Variants in MAGI2 observed in about 807,000 individuals in gnomAD.
MAGI2 encodes the protein membrane associated guanylate kinase, WW and PDZ domain containing 2.
MAGI2 carries 35 observed loss-of-function variants against 133.3 expected under a neutral mutation model. The ratio of observed to expected loss-of-function variants is 0.26; its 90% CI spans 0.20 to 0.35. The LOEUF (loss-of-function observed/expected upper bound fraction) is 0.35, where lower values mean the gene tolerates loss of function less well. Ranked by LOEUF, MAGI2 falls within the 10% of genes least tolerant of loss-of-function variation. MAGI2 has a pLI of 1.00. For synonymous variants in MAGI2, 729 were observed against 710.6 expected (o/e 1.03, Z -0.41); for missense variants, 1,636 against 1,863.4 (o/e 0.88, Z 2.25).
intron 2 of MAGI2, among the ~76,000 whole-genome samples, chr7:78,684,525 T>A (rs561028496): frequency 1.3e-5 from 2 of 152,308 alleles, no homozygotes; most frequent in South Asian, 4.1e-4. Flanking sequence ...AGAGTTTCAC[T>A]TTAATTGTCT....
intron 6 of MAGI2, among the ~76,000 whole-genome samples, chr7:78,442,090 A>G (rs1186674260): frequency 6.6e-6 from 1 of 152,180 alleles, no homozygotes; most frequent in African/African-American, 2.4e-5. Flanking sequence ...CCTTTGCTAC[A>G]CAAACTCTTC....
intron 2 of MAGI2, among the ~76,000 whole-genome samples, chr7:78,668,240 G>T (rs1321579046): frequency 6.6e-5 from 10 of 151,894 alleles, no homozygotes; most frequent in Non-Finnish European, 1.0e-4. Context: ...TGATGGGGTT[G>T]TTTGTTTTTT....
chr7:78,763,843 C>T (rs1054087166), intron 2 of MAGI2, among the ~76,000 whole-genome samples: 1 of 152,200 alleles, frequency 6.6e-6, no homozygotes, highest in African/African-American at 2.4e-5. Flanking sequence ...TTATAGGTTA[C>T]CTGCCCTACT....
chr7:78,291,395 C>T (rs1473403765), intron 9 of MAGI2, among the ~76,000 whole-genome samples: 1 of 152,112 alleles, frequency 6.6e-6, no homozygotes, highest in African/African-American at 2.4e-5. Context: ...TAAGTCAAAT[C>T]CCTAAATAGA....
intron 2 of MAGI2, among the ~76,000 whole-genome samples, chr7:78,931,778 A>G (rs1345118755): frequency 6.6e-6 from 1 of 152,086 alleles, no homozygotes; most frequent in Non-Finnish European, 1.5e-5. Flanking sequence ...TCATAGCAAC[A>G]AAGCTATTGA....
intron 1 of MAGI2, among the ~76,000 whole-genome samples, chr7:79,011,621 A>G (rs1314044227): frequency 6.6e-6 from 1 of 152,108 alleles, no homozygotes; most frequent in Admixed American, 6.6e-5. Flanking sequence ...TTGGGATAGT[A>G]GGGGTTAAAT....
At chr7:78,058,394 C>A (rs1055069847) in intron 21 of MAGI2, among the ~76,000 whole-genome samples, 1 of 151,976 alleles carries the variant, frequency 6.6e-6, no homozygotes, top group African/African-American at 2.4e-5. Context: ...TCTGCTCTTT[C>A]GGTTTTAACT....
chr7:78,361,186 G>A (rs575548246), intron 7 of MAGI2, among the ~76,000 whole-genome samples: 29 of 152,220 alleles, frequency 1.9e-4, no homozygotes, highest in African/African-American at 5.5e-4. Flanking sequence ...ACGAGGTCAG[G>A]AGTTCAAGAC....
intron 3 of MAGI2, among the ~76,000 whole-genome samples, chr7:78,604,355 A>G (rs574290973): frequency 6.6e-6 from 1 of 152,322 alleles, no homozygotes; most frequent in South Asian, 2.1e-4. Flanking sequence ...CCAGAAATAG[A>G]TAAAACTAGA....
chr7:78,573,217 A>T (rs1411069521), intron 3 of MAGI2, among the ~76,000 whole-genome samples: 2 of 75,966 alleles, frequency 2.6e-5, no homozygotes, highest in African/African-American at 6.4e-5. Flanking sequence ...TATATATATA[A>T]ATATATATAA....
chr7:78,265,082 T>G (rs568816019), intron 9 of MAGI2, among the ~76,000 whole-genome samples: 2 of 128,350 alleles, frequency 1.6e-5, no homozygotes, highest in Non-Finnish European at 3.0e-5. Context: ...AAAAGCTTGT[T>G]TTTTTTTTTT....
intron 1 of MAGI2, among the ~76,000 whole-genome samples, chr7:79,200,197 T>C (rs1322069315): frequency 3.9e-5 from 6 of 152,018 alleles, no homozygotes; most frequent in Non-Finnish European, 8.8e-5. Context: ...ATTTCAGTTC[T>C]CATATTCTAT....
intron 2 of MAGI2, among the ~76,000 whole-genome samples, chr7:78,638,794 T>G (rs542241876): frequency 6.6e-6 from 1 of 152,204 alleles, no homozygotes; most frequent in Non-Finnish European, 1.5e-5. Context: ...ATTTTTGAAC[T>G]TCTGATTTTA....
chr7:79,416,371 G>A (rs1846512264), intron 1 of MAGI2, among the ~76,000 whole-genome samples: 2 of 151,946 alleles, frequency 1.3e-5, no homozygotes, highest in African/African-American at 2.4e-5. Context: ...AAGGAGAGAA[G>A]AGGAGAGAGA....
At chr7:79,076,333 G>A (rs1212229825) in intron 1 of MAGI2, among the ~76,000 whole-genome samples, 1 of 152,198 alleles carries the variant, frequency 6.6e-6, no homozygotes, top group African/African-American at 2.4e-5. Flanking sequence ...AGGACACCTC[G>A]TGGTCTCTGT....
chr7:79,350,252 T>C (rs1382902394), intron 1 of MAGI2, among the ~76,000 whole-genome samples: 1 of 152,074 alleles, frequency 6.6e-6, no homozygotes, highest in Non-Finnish European at 1.5e-5. Context: ...TTCTGGAAAT[T>C]TGTTCATTTC....
At chr7:79,355,586 G>A (rs748284598) in intron 1 of MAGI2, among the ~76,000 whole-genome samples, 7 of 152,160 alleles carry the variant, frequency 4.6e-5, no homozygotes, top group East Asian at 1.9e-4. Flanking sequence ...ATGGAGAGAC[G>A]TTACTTGAAA....
At chr7:78,418,487 G>A (rs756803096) in intron 6 of MAGI2, among the ~76,000 whole-genome samples, 27 of 152,128 alleles carry the variant, frequency 1.8e-4, no homozygotes, top group Non-Finnish European at 3.7e-4. Context: ...TATGATGATG[G>A]AAATGCTATA....
At chr7:78,825,208 A>G (rs1790516232) in intron 2 of MAGI2, among the ~76,000 whole-genome samples, 2 of 152,164 alleles carry the variant, frequency 1.3e-5, no homozygotes, top group South Asian at 4.1e-4. Context: ...CCTACGTAAC[A>G]AACTTGCACA....
Sources: allele counts gnomAD v4.1 joint callset (sites outside exome capture counted in the v4.1 genomes callset), GRCh38; gene constraint gnomAD v4.1.1; transcripts MANE v1.5; gene names NCBI Gene and HGNC (gene_info 2026-07-23, HGNC 2026-07-21).